Variants in CFAP36 observed in about 807,000 individuals in gnomAD.
CFAP36 encodes cilia- and flagella-associated protein 36.
CFAP36 carries 37 observed loss-of-function variants against 50.5 expected under a neutral mutation model. The observed-to-expected ratio is 0.73, with a 90% CI of 0.56 to 0.96. The LOEUF is 0.96. Among genes scored for constraint, CFAP36 ranks in the 50% least tolerant of loss-of-function variants. The pLI is 0.00. For missense variants in CFAP36, 407 were observed against 396.2 expected (o/e 1.03, Z -0.23); for synonymous variants, 138 against 128.2 (o/e 1.08, Z -0.52).
In CFAP36 at chr2:55,545,023, T is replaced by G. The variant is rs1291863561; in HGVS notation, c.*15T>G. ...TTAATAAGTAATAATTAAGAACAAT[T>G]TAACAAAATGGAAGTTCAAATTGTC... is the stretch of plus-strand genomic sequence containing the variant. On this transcript the variant is annotated 3_prime_UTR_variant, in exon 10 of 10. Coordinates refer to ENST00000349456, the MANE Select transcript of CFAP36 (RefSeq NM_080667.7). The G allele has an allele frequency of 7.0e-7, 1 of 1,428,930 alleles. No individual in the cohort carries two copies. Among genetic ancestry groups the G allele is most frequent in the Admixed American group, 2.1e-5 (1 of 48,538 alleles). 88.5% of individuals were successfully genotyped at this position (1,428,930 alleles called of 1,614,324 possible).
intron 4 of CFAP36, among the ~76,000 whole-genome samples, chr2:55,530,510 A>C (rs1338120400): frequency 6.6e-6 from 1 of 152,182 alleles, no homozygotes; most frequent in Non-Finnish European, 1.5e-5. Context: ...GTGGAAGACA[A>C]AATGGAACTC....
chr2:55,528,399 ATT>A (rs895716677), intron 3 of CFAP36, among the ~76,000 whole-genome samples: 1 of 144,952 alleles, frequency 6.9e-6, no homozygotes, highest in African/African-American at 2.5e-5. Context: ...CTTTTGAAAA[ATT>A]TTTTTTTTTT....
At position 55,544,317 on chromosome 2, in the gene CFAP36, C is replaced by T. The variant is rs144603204; in HGVS notation, c.875C>T (p.Thr292Ile). Residue 292 changes from threonine (T) to isoleucine (I), a missense_variant, in exon 9 of 10, where the codon ACT becomes ATT. By Grantham distance (89) the Thr-to-Ile change is moderately conservative. Transcript: ENST00000349456. ...ATGTCCATGAGAAAGGATATGAGGA[C>T]TAAACAGATACAAAATATGGAGCAG... Reference protein sequence around the residue: ...KLMSMRKDMRTKQIQNMEQKG... With the variant: ...KLMSMRKDMRIKQIQNMEQKG... 1.2e-6 allele frequency: 2 copies of T among 1,613,806 alleles called. No individual in the cohort carries two copies. Among genetic ancestry groups the T allele is most frequent in the African/African-American group, 2.7e-5 (2 of 74,986 alleles).
At chr2:55,540,713 C>A (rs1684616043) in intron 7 of CFAP36, among the ~76,000 whole-genome samples, 1 of 152,128 alleles carries the variant, frequency 6.6e-6, no homozygotes, top group African/African-American at 2.4e-5. Context: ...GTTTTCCTGT[C>A]CATAAACATG....
intron 4 of CFAP36, among the ~76,000 whole-genome samples, chr2:55,530,844 T>C (rs768421506): frequency 2.6e-5 from 4 of 152,214 alleles, no homozygotes; most frequent in Non-Finnish European, 5.9e-5. Flanking sequence ...GGACCTTTCC[T>C]TTGATTGTTT....
At chr2:55,528,549 G>A (rs1378598058) in intron 3 of CFAP36, among the ~76,000 whole-genome samples, 4 of 151,724 alleles carry the variant, frequency 2.6e-5, no homozygotes, top group South Asian at 2.1e-4. Context: ...ATGCACCACC[G>A]CACCTGGCTA....
intron 5 of CFAP36, 111 bp downstream of exon 5, chr2:55,534,071 GA>G (rs1284645345): frequency 3.8e-6 from 2 of 523,160 alleles, no homozygotes; most frequent in Non-Finnish European, 6.7e-6. Context: ...ATTCTCTACT[GA>G]AAACCATCAA....
intron 7 of CFAP36, among the ~76,000 whole-genome samples, chr2:55,539,869 G>A (rs923301132): frequency 2.6e-5 from 4 of 152,190 alleles, no homozygotes; most frequent in African/African-American, 9.7e-5. Context: ...ATGACATGAT[G>A]TGGAGCATCT....
chr2:55,535,727 A>C lies in CFAP36; in HGVS notation c.501A>C (p.Glu167Asp). The C allele has an allele frequency of 6.5e-7, 1 of 1,541,538 alleles. No homozygotes were observed. Among genetic ancestry groups the C allele is most frequent in the South Asian group, 1.3e-5 (1 of 77,058 alleles). The change falls in exon 6 of 10, where the codon GAA (glutamate) becomes GAC (aspartate). Residue 167 changes from glutamate (E) to aspartate (D), a missense_variant. Coordinates refer to ENST00000349456, the MANE Select transcript of CFAP36 (RefSeq NM_080667.7). ...TATATTTCAGAAAATCAAAAGAGGA[A>C]TATGACCAGGAAGAAGAAAGGAAGA... ...LREVLRKSKEEYDQEEERKRK... is the reference protein window; with the variant it reads ...LREVLRKSKEDYDQEEERKRK...
chr2:55,544,408 G>A (rs765298042), intron 9 of CFAP36, 39 bp downstream of exon 9: 1 of 1,567,454 alleles, frequency 6.4e-7, no homozygotes, highest in Non-Finnish European at 8.6e-7. Flanking sequence ...TACAAATCTG[G>A]TGGTGGAACT....
At chr2:55,541,324 C>CAAAAT (rs1044208709) in intron 7 of CFAP36, among the ~76,000 whole-genome samples, 3 of 152,122 alleles carry the variant, frequency 2.0e-5, no homozygotes, top group Admixed American at 1.3e-4. Flanking sequence ...AACTTCATCT[C>CAAAAT]AAAATAAAAT....
Position 55,544,705 on chromosome 2 carries a change from C to G in CFAP36, c.928-202C>G, listed in dbSNP as rs1373086484. Reference sequence around the variant, plus strand: ...CATCAGTACCACCTTTATCATAGAGCACATCAGCCACCACTTCCCAGAGGG... The same window carrying G: ...CATCAGTACCACCTTTATCATAGAGGACATCAGCCACCACTTCCCAGAGGG... On this transcript the variant is annotated intron_variant, in intron 9 of 9. Coordinates refer to ENST00000349456, the MANE Select transcript of CFAP36 (RefSeq NM_080667.7). Among the ~76,000 whole-genome samples the G allele has an allele frequency of 2.0e-5, 3 of 152,132 alleles. No homozygotes were observed. In the East Asian group the frequency reaches 5.8e-4, roughly 29 times the overall value.
At chr2:55,538,105 A>C (rs185100837) in intron 7 of CFAP36, among the ~76,000 whole-genome samples, 17 of 152,324 alleles carry the variant, frequency 1.1e-4, no homozygotes, top group Admixed American at 1.3e-4. Context: ...CCTTTTCAAC[A>C]TGTGGCAAAT....
chr2:55,541,981 C>A (rs1684649486), intron 7 of CFAP36, among the ~76,000 whole-genome samples: 1 of 19,788 alleles, frequency 5.1e-5, no homozygotes, highest in Non-Finnish European at 1.2e-4. Flanking sequence ...TGTGAAGTTA[C>A]CTTGCTTCTT....
chr2:55,538,641 T>C, intron 7 of CFAP36: 1 of 677,454 alleles, frequency 1.5e-6, no homozygotes, highest in Non-Finnish European at 2.5e-6. Context: ...CGGGTGTTGC[T>C]GTGTTGCCCA....
chr2:55,535,836 A>G, intron 6 of CFAP36, 73 bp downstream of exon 6: 1 of 1,481,882 alleles, frequency 6.7e-7, no homozygotes, highest in Admixed American at 2.7e-5. Flanking sequence ...AGATCTTACT[A>G]TTAAAATTTA....
At chr2:55,531,158 A>G (rs957434028) in intron 4 of CFAP36, 2 of 152,218 alleles carry the variant, frequency 1.3e-5, no homozygotes, top group African/African-American at 4.8e-5. Flanking sequence ...TTTGATGTGA[A>G]TAAGTCTGGA....
In CFAP36 at chr2:55,545,037, G is replaced by A; in HGVS notation, c.*29G>A. ...TTAAGAACAATTTAACAAAATGGAA[G>A]TTCAAATTGTCTTAAAAATAAATTA... On this transcript the variant is annotated 3_prime_UTR_variant, in exon 10 of 10. Coordinates refer to ENST00000349456, the MANE Select transcript of CFAP36 (RefSeq NM_080667.7). 1 of 1,295,444 alleles carries A rather than the reference G, an allele frequency of 7.7e-7. No individual in the cohort carries two copies. Among genetic ancestry groups the A allele is most frequent in the Non-Finnish European group, 1.1e-6 (1 of 929,504 alleles). 80.2% of individuals were successfully genotyped at this position (1,295,444 alleles called of 1,614,324 possible).
At position 55,530,067 on chromosome 2, in the gene CFAP36, C is replaced by A. The variant is rs187959048; in HGVS notation, c.397+1075C>A. On this transcript the variant is annotated intron_variant, in intron 4 of 9. Coordinates refer to ENST00000349456, the MANE Select transcript of CFAP36 (RefSeq NM_080667.7). Reference sequence around the variant, plus strand: ...TGATATGGTTTGGCTGTGTCCCCACCCAAATCTCATCTTGAATTCCCACGT... The same window carrying A: ...TGATATGGTTTGGCTGTGTCCCCACACAAATCTCATCTTGAATTCCCACGT... Among the ~76,000 whole-genome samples, 7 of 152,226 alleles carry A rather than the reference C, an allele frequency of 4.6e-5. No homozygotes were observed. The East Asian group carries it at 1.3e-3, about 29-fold the overall frequency.
Sources: gnomAD v4.1 joint callset for allele counts (sites outside exome capture counted in the v4.1 genomes callset) on GRCh38, gnomAD v4.1.1 for gene constraint, MANE v1.5 for transcripts, NCBI Gene and HGNC (gene_info 2026-07-23, HGNC 2026-07-21) for gene names.